The following WDPCP variants were observed in gnomAD, a reference collection of about 807,000 sequenced individuals.
The protein encoded by WDPCP is WD repeat-containing and planar cell polarity effector protein fritz homolog.
Under a neutral mutation model 93.1 loss-of-function variants are expected in WDPCP, and 71 were observed. The ratio of observed to expected loss-of-function variants is 0.76; its 90% CI spans 0.63 to 0.93. The LOEUF (loss-of-function observed/expected upper bound fraction) is 0.93. Among genes scored for constraint, WDPCP ranks in the 40% least tolerant of loss-of-function variants. The probability of loss-of-function intolerance (pLI) is 0.00; values close to 1 mark genes in which losing one functional copy is unlikely to be tolerated. For synonymous variants in WDPCP, 315 were observed against 315.0 expected (o/e 1.00, Z 0.00); for missense variants, 844 against 887.4 (o/e 0.95, Z 0.62).
At chr2:63,545,334 TGTGA>T (rs1705067071) in intron 1 of WDPCP, among the ~76,000 whole-genome samples, 1 of 151,088 alleles carries the variant, frequency 6.6e-6, no homozygotes, top group Middle Eastern at 3.2e-3. Flanking sequence ...TGTGTGTGTG[TGTGA>T]GAGAGAGAGA....
intron 2 of WDPCP, among the ~76,000 whole-genome samples, chr2:63,735,456 C>T (rs79405094): frequency 4.6e-5 from 7 of 152,110 alleles, no homozygotes; most frequent in Non-Finnish European, 8.8e-5. Flanking sequence ...AGGAGCAATG[C>T]GCCACAGGAT....
intron 14 of WDPCP, chr2:63,228,609 T>C (rs1043411763): frequency 7.1e-6 from 1 of 140,494 alleles, no homozygotes; most frequent in Non-Finnish European, 1.5e-5. Context: ...CAGTCCCCGG[T>C]GTGTGATGTT....
intron 14 of WDPCP, among the ~76,000 whole-genome samples, chr2:63,213,889 C>T (rs1677065569): frequency 6.6e-6 from 1 of 152,100 alleles, no homozygotes; most frequent in Admixed American, 6.5e-5. Context: ...GGATAAATTC[C>T]TGTACACATA....
At chr2:63,360,100 T>A (rs142886232) in intron 12 of WDPCP, 1 of 152,306 alleles carries the variant, frequency 6.6e-6, no homozygotes, top group African/African-American at 2.4e-5. Context: ...TTGTACTTTA[T>A]AAAATAACAT....
At chr2:63,196,480 C>A (rs1332789989) in intron 14 of WDPCP, among the ~76,000 whole-genome samples, 1 of 152,100 alleles carries the variant, frequency 6.6e-6, no homozygotes, top group African/African-American at 2.4e-5. Flanking sequence ...AAAGACATAT[C>A]CATAGACTAT....
chr2:63,323,803 C>A (rs903418098), intron 12 of WDPCP, among the ~76,000 whole-genome samples: 1 of 152,090 alleles, frequency 6.6e-6, no homozygotes, highest in East Asian at 1.9e-4. Context: ...CTAAATCCGA[C>A]CTTTCTCAGT....
intron 1 of WDPCP, among the ~76,000 whole-genome samples, chr2:63,579,738 T>C (rs1445266273): frequency 2.7e-5 from 4 of 147,726 alleles, no homozygotes; most frequent in Non-Finnish European, 5.9e-5. Context: ...ATAGATTAGA[T>C]AGGTAGGTAG....
rs1456554736 is a variant in WDPCP at position 63,597,706 on chromosome 2, G to T, written n.488+52953C>A. 1.7e-5 allele frequency: 13 copies of T among 774,898 alleles called. No individual in the cohort carries two copies. The Admixed American group carries it at 4.3e-4, about 26-fold the overall frequency. 48.0% of individuals were successfully genotyped at this position (774,898 alleles called of 1,614,324 possible). ...ACAATCATCAGTAAATACGGCTCTA[G>T]AGTTTTGCTTGATAAGCTCTCCCTT... On this transcript the variant is annotated intron_variant and non_coding_transcript_variant, in intron 3 of 4. Coordinates refer to the WDPCP transcript ENST00000467687.
At position 63,433,948 on chromosome 2, in the gene WDPCP, A is replaced by T. The variant is rs779141559; in HGVS notation, c.634-12T>A. ...TCATAATAGAAAATCTAACAATTTT[A>T]AAAAAGCATACATGAAACATTTCTT... On this transcript the variant is annotated splice_polypyrimidine_tract_variant and intron_variant, in intron 8 of 17. Transcript: ENST00000272321. 1.4e-5 allele frequency: 23 copies of T among 1,612,194 alleles called. No homozygotes were observed. The highest frequency in any genetic ancestry group is 6.7e-5 in the East Asian group (3 of 44,862).
intron 2 of WDPCP, among the ~76,000 whole-genome samples, chr2:63,696,626 A>G (rs1422792470): frequency 6.6e-6 from 1 of 152,138 alleles, no homozygotes; most frequent in Non-Finnish European, 1.5e-5. Context: ...GTACACACCA[A>G]TGCTTCCTTG....
chr2:63,512,903 A>G (rs11695078), intron 1 of WDPCP, among the ~76,000 whole-genome samples: 25,811 of 149,276 alleles, frequency 0.17, 2,291 homozygotes, highest in Middle Eastern at 0.23. Flanking sequence ...TTAAAAATTA[A>G]AAAAAAAAAG....
chr2:63,347,086 TAAC>T (rs1395949513), intron 12 of WDPCP, among the ~76,000 whole-genome samples: 1 of 152,192 alleles, frequency 6.6e-6, no homozygotes, highest in Non-Finnish European at 1.5e-5. Flanking sequence ...ATAGCCACAG[TAAC>T]AACAACAGGT....
At chr2:63,529,168 G>A (rs187334270) in intron 1 of WDPCP, among the ~76,000 whole-genome samples, 2,709 of 152,176 alleles carry the variant, frequency 0.018, 96 homozygotes, top group African/African-American at 0.061. Context: ...AAACAGGAAC[G>A]ATTTGACTTC....
At chr2:63,205,306 C>T (rs1270772584) in intron 14 of WDPCP, among the ~76,000 whole-genome samples, 1 of 152,012 alleles carries the variant, frequency 6.6e-6, no homozygotes, top group South Asian at 2.1e-4. Flanking sequence ...GCTTTGGCTA[C>T]TCTGCGTCTC....
intron 2 of WDPCP, among the ~76,000 whole-genome samples, chr2:63,706,477 T>A (rs1467485436): frequency 6.6e-6 from 1 of 152,180 alleles, no homozygotes; most frequent in Non-Finnish European, 1.5e-5. Flanking sequence ...AGGAGCTCTT[T>A]TAGGGCAGGC....
At chr2:63,639,291 C>T (rs889380258) in intron 3 of WDPCP, among the ~76,000 whole-genome samples, 5 of 152,102 alleles carry the variant, frequency 3.3e-5, no homozygotes, top group Admixed American at 1.3e-4. Flanking sequence ...TACAAACATG[C>T]GCCATCATGC....
rs76087989 is a variant in WDPCP at position 63,780,687 on chromosome 2, T to C, written n.308+32935A>G. On this transcript the variant is annotated intron_variant and non_coding_transcript_variant, in intron 2 of 4. Transcript: ENST00000467687. ...ACACGGTCTGATTCAAGACACCTGC[T>C]GCTTTGTTTAACAACAGCAGTCTTC... Among the ~76,000 whole-genome samples the C allele has an allele frequency of 1.7e-3, 259 of 152,342 alleles. 6 individuals are homozygous for C. In the East Asian group the frequency reaches 0.045, roughly 26 times the overall value.
At chr2:63,701,095 A>C (rs1366474454) in intron 2 of WDPCP, among the ~76,000 whole-genome samples, 1 of 152,230 alleles carries the variant, frequency 6.6e-6, no homozygotes, top group Non-Finnish European at 1.5e-5. Context: ...AATATTTGCA[A>C]ACTGCTCATC....
At chr2:63,426,341 C>CAA in intron 9 of WDPCP, among the ~76,000 whole-genome samples, 1 of 145,800 alleles carries the variant, frequency 6.9e-6, no homozygotes, top group African/African-American at 2.5e-5. Context: ...GACTCTGTCT[C>CAA]AAAAAAAAAC....
Sources: gnomAD v4.1 joint callset for allele counts (sites outside exome capture counted in the v4.1 genomes callset) on GRCh38, gnomAD v4.1.1 for gene constraint, MANE v1.5 for transcripts, NCBI Gene and HGNC (gene_info 2026-07-23, HGNC 2026-07-21) for gene names.